The following EIF3H variants were observed in gnomAD, a reference collection of about 807,000 sequenced individuals.
EIF3H encodes eIF-3-gamma.
Under a neutral mutation model 44.2 loss-of-function variants are expected in EIF3H, and 26 were observed. That is an observed-to-expected ratio of 0.59 (90% confidence interval 0.43 to 0.82). The LOEUF (loss-of-function observed/expected upper bound fraction) is 0.82, where lower values mean the gene tolerates loss of function less well. Ranked by LOEUF, EIF3H falls within the 40% of genes least tolerant of loss-of-function variation. The probability of loss-of-function intolerance (pLI) is 0.00; values close to 1 mark genes in which losing one functional copy is unlikely to be tolerated. For missense variants in EIF3H, 359 were observed against 432.8 expected (o/e 0.83, Z 1.51); for synonymous variants, 166 against 151.9 (o/e 1.09, Z -0.68).
intron 2 of EIF3H, among the ~76,000 whole-genome samples, chr8:116,706,781 GTT>G (rs781492112): frequency 3.9e-4 from 60 of 152,274 alleles, no homozygotes; most frequent in Non-Finnish European, 5.1e-4. Flanking sequence ...CTGGCCTCAT[GTT>G]ATCTGCCCGC....
intron 2 of EIF3H, among the ~76,000 whole-genome samples, chr8:116,703,346 ACCGGGAAAGGGAGTCT>A (rs58366265): frequency 0.17 from 26,068 of 151,838 alleles, 3,348 homozygotes; most frequent in African/African-American, 0.36. Context: ...TACTTAGCAG[ACCGGGAAAGGGAGTCT>A]CCCTTTCCCC....
chr8:116,710,242 T>C (rs1814551265), intron 2 of EIF3H, among the ~76,000 whole-genome samples: 1 of 152,242 alleles, frequency 6.6e-6, no homozygotes, highest in South Asian at 2.1e-4. Flanking sequence ...TTCTAGAAAG[T>C]CTTCCTGTGT....
chr8:116,752,681 A>AAAGAAAGG (rs1815362784), intron 1 of EIF3H, among the ~76,000 whole-genome samples: 1 of 94,444 alleles, frequency 1.1e-5, no homozygotes, highest in Non-Finnish European at 2.3e-5. Context: ...AGAAAGAAAG[A>AAAGAAAGG]AAGAAAGAAA....
intron 2 of EIF3H, among the ~76,000 whole-genome samples, chr8:116,692,048 T>G (rs1022980345): frequency 6.6e-6 from 1 of 152,188 alleles, no homozygotes; most frequent in Non-Finnish European, 1.5e-5. Context: ...TTTCACATTG[T>G]TGTCAGTTTA....
chr8:116,744,530 A>C (rs946216135), intron 1 of EIF3H, among the ~76,000 whole-genome samples: 2 of 152,214 alleles, frequency 1.3e-5, no homozygotes, highest in African/African-American at 2.4e-5. Context: ...GTTTTGATGA[A>C]ACAAGTACAG....
chr8:116,678,066 T>C (rs1320082201), intron 2 of EIF3H, among the ~76,000 whole-genome samples: 2 of 151,802 alleles, frequency 1.3e-5, no homozygotes, highest in East Asian at 3.9e-4. Context: ...ACTGCTGCCA[T>C]CTCGGCTCAC....
At chr8:116,717,671 G>T (rs1563651541) in intron 2 of EIF3H, among the ~76,000 whole-genome samples, 1 of 152,146 alleles carries the variant, frequency 6.6e-6, no homozygotes, top group Non-Finnish European at 1.5e-5. Context: ...TCAACAAATG[G>T]TGCTGAGATA....
intron 2 of EIF3H, among the ~76,000 whole-genome samples, chr8:116,710,191 T>C (rs1476566143): frequency 6.6e-6 from 1 of 152,216 alleles, no homozygotes; most frequent in Non-Finnish European, 1.5e-5. Flanking sequence ...ATGACAGGCT[T>C]TATCAGTATT....
rs374915117 is a variant in EIF3H at position 116,723,305 on chromosome 8, C to T, written c.289+2711G>A. On this transcript the variant is annotated intron_variant, in intron 2 of 7. Transcript: ENST00000521861. ...GATTATTTAAATATAATTAAGTACC[C>T]CCACATATGTGCATGTATAGAGAAA... Among the ~76,000 whole-genome samples the T allele has an allele frequency of 1.1e-4, 16 of 152,144 alleles. No homozygotes were observed. The East Asian group carries it at 2.1e-3, about 20-fold the overall frequency.
At chr8:116,663,361 T>C (rs929767961) in intron 2 of EIF3H, among the ~76,000 whole-genome samples, 7 of 152,164 alleles carry the variant, frequency 4.6e-5, no homozygotes, top group African/African-American at 1.7e-4. Flanking sequence ...TGGTCCAGGG[T>C]TAGACAAGCT....
chr8:116,697,531 C>T (rs1389009219), intron 2 of EIF3H, among the ~76,000 whole-genome samples: 3 of 152,178 alleles, frequency 2.0e-5, no homozygotes, highest in Non-Finnish European at 4.4e-5. Flanking sequence ...CTACTCTGTA[C>T]TCAAGCCGCT....
intron 2 of EIF3H, among the ~76,000 whole-genome samples, chr8:116,691,395 C>T (rs1432030499): frequency 6.6e-6 from 1 of 152,084 alleles, no homozygotes. Flanking sequence ...GTCTAAAAAG[C>T]CCCAAGACAT....
intron 2 of EIF3H, among the ~76,000 whole-genome samples, chr8:116,663,366 C>T (rs1271814387): frequency 2.0e-5 from 3 of 152,192 alleles, no homozygotes; most frequent in Non-Finnish European, 4.4e-5. Flanking sequence ...CAGGGTTAGA[C>T]AAGCTTCAAT....
At chr8:116,765,748 C>T (rs1815565158) in exon 1 of EIF3H, 1 of 152,236 alleles carries the variant, frequency 6.6e-6, no homozygotes, top group African/African-American at 2.4e-5. Context: ...ACCCAGCTTT[C>T]TTCGGGAGTT....
intron 7 of EIF3H, among the ~76,000 whole-genome samples, chr8:116,646,144 A>C (rs1813293246): frequency 6.6e-6 from 1 of 152,216 alleles, no homozygotes; most frequent in South Asian, 2.1e-4. Flanking sequence ...AGGAAGAGTA[A>C]GAGGCCTGAG....
At chr8:116,699,685 T>C (rs1394009605) in intron 2 of EIF3H, among the ~76,000 whole-genome samples, 1 of 152,228 alleles carries the variant, frequency 6.6e-6, no homozygotes, top group Non-Finnish European at 1.5e-5. Context: ...ACATTTACCC[T>C]GTGAATCTAG....
chr8:116,730,893 G>C (rs1355141460), intron 1 of EIF3H, among the ~76,000 whole-genome samples: 1 of 152,210 alleles, frequency 6.6e-6, no homozygotes, highest in East Asian at 1.9e-4. Context: ...ACCCTGTGAA[G>C]TCAGTTATAT....
chr8:116,760,338 C>A (rs1044782109), upstream of EIF3H, among the ~76,000 whole-genome samples: 3 of 152,154 alleles, frequency 2.0e-5, no homozygotes, highest in Non-Finnish European at 4.4e-5. Flanking sequence ...AGTCATAGGC[C>A]TCCTTTTGTC....
At chr8:116,683,653 T>C (rs1814028308) in intron 2 of EIF3H, among the ~76,000 whole-genome samples, 1 of 152,214 alleles carries the variant, frequency 6.6e-6, no homozygotes, top group South Asian at 2.1e-4. Flanking sequence ...TAAAAGTTTT[T>C]ATTTAAACCG....
Sources: allele counts gnomAD v4.1 joint callset (sites outside exome capture counted in the v4.1 genomes callset), GRCh38; gene constraint gnomAD v4.1.1; transcripts MANE v1.5; gene names NCBI Gene and HGNC (gene_info 2026-07-23, HGNC 2026-07-21).